The following SLC9A7 variants were observed in gnomAD, a reference collection of about 807,000 sequenced individuals.
SLC9A7 encodes the protein sodium/hydrogen exchanger 7.
SLC9A7 carries 19 observed loss-of-function variants against 52.6 expected under a neutral mutation model. That is an observed-to-expected ratio of 0.36 (90% CI 0.25 to 0.53). The LOEUF is 0.53. Among genes scored for constraint, SLC9A7 ranks in the 20% least tolerant of loss-of-function variants. The pLI, the probability that SLC9A7 is intolerant of heterozygous loss-of-function variation, is 0.91. For synonymous variants in SLC9A7, 226 were observed against 252.1 expected, an observed-to-expected ratio of 0.90 and a Z score of 0.98; for missense variants, 455 against 597.9, an observed-to-expected ratio of 0.76 and a Z score of 2.49.
chrX:46,600,925 C>T lies in SLC9A7; in HGVS notation c.*6027G>A, dbSNP rs1305174375. ...ACTTACTGTATCAGAATGTAGCAGC[C>T]GACACTGGCAATCCAGAGTGTCAGT... On this transcript the variant is annotated 3_prime_UTR_variant, in exon 17 of 17. Transcript: ENST00000616978. 2 of 111,571 alleles carry T rather than the reference C, an allele frequency of 1.8e-5. No homozygotes were observed. Among genetic ancestry groups the T allele is most frequent in the Admixed American group, 1.9e-4 (2 of 10,425 alleles). The allele number at this position is 111,571 out of a possible 1,213,427, so 9.2% of individuals were successfully genotyped here. A position where few individuals can be genotyped will look rare whatever the true frequency, so the allele number is the denominator to read the frequency against.
At chrX:46,700,703 T>C (rs187333916) in intron 1 of SLC9A7, among the ~76,000 whole-genome samples, 36 of 112,269 alleles carry the variant, frequency 3.2e-4, no homozygotes, top group Admixed American at 1.0e-3. Flanking sequence ...GCCTAGTCTA[T>C]AGTATTTTGT....
chrX:46,653,358 G>A (rs1294373677), intron 8 of SLC9A7, among the ~76,000 whole-genome samples: 1 of 111,679 alleles, frequency 9.0e-6, no homozygotes, highest in Admixed American at 9.5e-5. Context: ...TTGTGCTGCT[G>A]CACTCCAGCC....
intron 1 of SLC9A7, among the ~76,000 whole-genome samples, chrX:46,697,964 G>C (rs1302526988): frequency 9.0e-6 from 1 of 111,050 alleles, no homozygotes; most frequent in East Asian, 2.8e-4. Context: ...AGACTGCAGG[G>C]GTGAAATAGA....
At position 46,662,175 on chromosome X, in the gene SLC9A7, GA is replaced by G. The variant is rs1462095023; in HGVS notation, c.900-19del. The G allele has an allele frequency of 8.4e-7, 1 of 1,193,055 alleles. No homozygotes were observed. The highest frequency in any genetic ancestry group is 1.8e-5 in the African/African-American group (1 of 56,339). On this transcript the variant is annotated intron_variant, in intron 6 of 16. Transcript: ENST00000616978. ...CAATAGACCTAAAGTTTAAAAACAA[GA>G]GACAGTTTTAAAAGACTGCACAGGT...
intron 14 of SLC9A7, among the ~76,000 whole-genome samples, chrX:46,629,585 T>C (rs1943189617): frequency 9.0e-6 from 1 of 111,600 alleles, no homozygotes; most frequent in Admixed American, 9.5e-5. Flanking sequence ...GTAGGAGCAA[T>C]GGGAAACAGC....
intron 2 of SLC9A7, 103 bp downstream of exon 2, chrX:46,682,233 G>A (rs182986116): frequency 6.8e-5 from 53 of 780,678 alleles, no homozygotes; most frequent in East Asian, 2.3e-4. Context: ...GGAATGTTAC[G>A]GATAATCCAG....
Position 46,662,056 on chromosome X carries a change from G to A in SLC9A7, c.1001C>T (p.Ser334Phe). The A allele has an allele frequency of 8.3e-7, 1 of 1,202,594 alleles. No individual in the cohort carries two copies. Among genetic ancestry groups the A allele is most frequent in the South Asian group, 1.8e-5 (1 of 55,422 alleles). ...ACCAGTCACAGCTCCCATGGTAAAA[G>A]AGCCACTAAATATACCTAGAAAAAT... ...VGIFLGIFSG[S>F]FTMGAVTGVV... Residue 334 changes from serine to phenylalanine, a missense_variant, in exon 7 of 17, where the codon TCT (serine) becomes TTT (phenylalanine). Ser to Phe is a radical substitution (Grantham distance 155). Around this residue, in one of 3 missense-constraint regions of SLC9A7, gnomAD observed 304 missense variants for 417.8 expected, o/e 0.73. Transcript: ENST00000616978.
intron 12 of SLC9A7, 96 bp from the exon 13 acceptor site, chrX:46,635,744 T>G (rs1943309211): frequency 1.6e-6 from 1 of 625,205 alleles, no homozygotes; most frequent in African/African-American, 2.2e-5. Context: ...CCAGAGAATA[T>G]TTTTCACTTT....
intron 12 of SLC9A7, among the ~76,000 whole-genome samples, chrX:46,636,644 A>G (rs1248481276): frequency 9.0e-6 from 1 of 111,291 alleles, no homozygotes; most frequent in African/African-American, 3.3e-5. Context: ...TAGGTTAAAA[A>G]AAAAAAACCA....
At position 46,745,055 on chromosome X, in the gene SLC9A7, G is replaced by A. The variant is rs377581419; in HGVS notation, c.325+13650C>T. Reference sequence around the variant, plus strand: ...AGCAGAAGCTGTCAGAGCCAATTTTGTCAGAATTCTAGAAGAGAGTCAAAG... The same window carrying A: ...AGCAGAAGCTGTCAGAGCCAATTTTATCAGAATTCTAGAAGAGAGTCAAAG... On this transcript the variant is annotated intron_variant, in intron 1 of 16. Transcript: ENST00000616978. Among the ~76,000 whole-genome samples the A allele has an allele frequency of 1.9e-4, 21 of 110,830 alleles. 1 individual carries two copies. In the East Asian group the frequency reaches 3.4e-3, roughly 18 times the overall value.
intron 1 of SLC9A7, among the ~76,000 whole-genome samples, chrX:46,746,005 G>C (rs1178057189): frequency 9.1e-6 from 1 of 109,474 alleles, no homozygotes; most frequent in Non-Finnish European, 1.9e-5. Context: ...AATGAAAAAT[G>C]TACTACAGCA....
intron 15 of SLC9A7, among the ~76,000 whole-genome samples, chrX:46,615,685 A>T (rs2146685191): frequency 9.2e-6 from 1 of 108,994 alleles, no homozygotes; most frequent in South Asian, 3.9e-4. Flanking sequence ...TATAACCAGT[A>T]AGCTATATAT....
chrX:46,705,591 T>C (rs921359100), intron 1 of SLC9A7, among the ~76,000 whole-genome samples: 3 of 111,341 alleles, frequency 2.7e-5, no homozygotes, highest in Non-Finnish European at 5.7e-5. Flanking sequence ...ATACAAAAAA[T>C]TTAAAAAATT....
chrX:46,606,631 C>T lies in SLC9A7; in HGVS notation c.*321G>A, dbSNP rs987349102. ...GAATCCCCCCACCCAGCACCTGCCT[C>T]GCCTTGTTCAGATACTGCAGGTGAA... On this transcript the variant is annotated 3_prime_UTR_variant, in exon 17 of 17. Transcript: ENST00000616978. The T allele has an allele frequency of 8.6e-6, 8 of 927,704 alleles. No homozygotes were observed. The highest frequency in any genetic ancestry group is 4.0e-5 in the African/African-American group (2 of 49,544). The allele number at this position is 927,704 out of a possible 1,213,427, so 76.5% of individuals were successfully genotyped here. A position where few individuals can be genotyped will look rare whatever the true frequency, so the allele number is the denominator to read the frequency against.
At chrX:46,720,972 T>G (rs1944850748) in intron 1 of SLC9A7, among the ~76,000 whole-genome samples, 1 of 112,006 alleles carries the variant, frequency 8.9e-6, no homozygotes, top group South Asian at 3.7e-4. Context: ...GGCCTCACAG[T>G]ACAACAAAAT....
At chrX:46,633,370 A>AAAAC (rs1943258780) in intron 13 of SLC9A7, among the ~76,000 whole-genome samples, 1 of 98,771 alleles carries the variant, frequency 1.0e-5, no homozygotes, top group African/African-American at 3.7e-5. Context: ...AAAAAAAAAA[A>AAAAC]AAAAAAAAAA....
intron 15 of SLC9A7, among the ~76,000 whole-genome samples, chrX:46,615,659 C>CATATAT (rs758950486): frequency 4.8e-5 from 5 of 103,275 alleles, no homozygotes; most frequent in East Asian, 3.0e-4. Flanking sequence ...TATACATATA[C>CATATAT]ATATATATAT....
chrX:46,662,977 C>G, intron 5 of SLC9A7, among the ~76,000 whole-genome samples: 1 of 112,615 alleles, frequency 8.9e-6, no homozygotes, highest in Admixed American at 9.4e-5. Context: ...GGGTTGAAAT[C>G]TCTTTGATTT....
intron 1 of SLC9A7, among the ~76,000 whole-genome samples, chrX:46,729,794 A>G (rs1258389837): frequency 1.8e-5 from 2 of 111,453 alleles, no homozygotes; most frequent in Admixed American, 1.9e-4. Flanking sequence ...GAAAAGAAAG[A>G]AAGAAAAGAA....
Sources: gnomAD v4.1 joint callset for allele counts (sites outside exome capture counted in the v4.1 genomes callset) on GRCh38, gnomAD v4.1.1 for gene constraint, gnomAD v4.1.1 regional missense constraint, MANE v1.5 for transcripts, NCBI Gene and HGNC (gene_info 2026-07-23, HGNC 2026-07-21) for gene names.